Variants in KANK3 observed in about 807,000 individuals in gnomAD.
KANK3 encodes KN motif and ankyrin repeat domains 3.
A neutral mutation model predicts 65.4 loss-of-function variants in KANK3; 61 were observed. The ratio of observed to expected loss-of-function variants is 0.93; its 90% confidence interval spans 0.76 to 1.15. The LOEUF (loss-of-function observed/expected upper bound fraction) is 1.15. Among genes scored for constraint, KANK3 ranks in the 50% most tolerant of loss-of-function variants. The pLI, the probability that KANK3 is intolerant of heterozygous loss-of-function variation, is 0.00. For synonymous variants in KANK3, 586 were observed against 543.3 expected (o/e 1.08, Z -1.09); for missense variants, 1,187 against 1,178.8 (o/e 1.01, Z -0.10).
Position 8,333,641 on chromosome 19 carries a change from C to T in KANK3, c.1719+83G>A. 3 of 1,147,278 alleles carry T rather than the reference C, an allele frequency of 2.6e-6. No individual in the cohort carries two copies. The highest frequency in any genetic ancestry group is 3.0e-4 in the Middle Eastern group (1 of 3,298). 71.1% of individuals were successfully genotyped at this position (1,147,278 alleles called of 1,614,324 possible). ...GGTGCCTGGCGGGAAGGGATGGAAC[C>T]CGGTGTGCTCCCCTAAGTGGGCGTC... On this transcript the variant is annotated intron_variant, in intron 6 of 10. Coordinates refer to ENST00000330915, the MANE Select transcript of KANK3 (RefSeq NM_198471.3). The surrounding 1 kb of genome is among the most constrained non-coding windows in gnomAD (Gnocchi z 5.0).
At position 8,322,702 on chromosome 19, in the gene KANK3, C is replaced by G; in HGVS notation, c.*137G>C. ...TGAGCCCCTTCCTGCCACAGTCACC[C>G]CAACTGAAATTGCCTTTCTCTTCGG... On this transcript the variant is annotated 3_prime_UTR_variant, in exon 11 of 11. Coordinates refer to ENST00000330915, the MANE Select transcript of KANK3 (RefSeq NM_198471.3). 1 of 658,460 alleles carries G rather than the reference C, an allele frequency of 1.5e-6. No homozygotes were observed. The highest frequency in any genetic ancestry group is 2.6e-6 in the Non-Finnish European group (1 of 381,018). The allele number at this position is 658,460 out of a possible 1,614,324, so 40.8% of individuals were successfully genotyped here.
chr19:8,334,459 C>G, intron 3 of KANK3, 40 bp from the exon 4 acceptor site: 6 of 1,610,814 alleles, frequency 3.7e-6, no homozygotes, highest in Non-Finnish European at 4.2e-6. Flanking sequence ...TCGAGTCCGG[C>G]GCCGAGTAAG....
chr19:8,340,997 A>G (rs921297851), intron 1 of KANK3, among the ~76,000 whole-genome samples: 7 of 152,070 alleles, frequency 4.6e-5, no homozygotes, highest in African/African-American at 1.7e-4. Context: ...CGTATGACGC[A>G]ATGGGGTCAG....
Position 8,324,786 on chromosome 19 carries a change from C to A in KANK3, c.2127G>T (p.Gln709His), listed in dbSNP as rs761381665. ...ACGCCAGTAGGGTTGCCACCATGTC[C>A]TGTCGGCCATGGCTGATGGCCAGCA... ...ALMLAISHGR[Q>H]DMVATLLACG... Residue 709 changes from glutamine to histidine, a missense_variant, in exon 9 of 11, where the codon CAG becomes CAT. Around this residue, in one of 3 missense-constraint regions of KANK3, gnomAD observed 1,078 missense variants for 1,038.2 expected, o/e 1.04. Coordinates refer to ENST00000330915, the MANE Select transcript of KANK3 (RefSeq NM_198471.3). 3 of 1,613,884 alleles carry A rather than the reference C, an allele frequency of 1.9e-6. No individual in the cohort carries two copies. The Admixed American group carries it at 5.0e-5, about 27-fold the overall frequency.
intron 10 of KANK3, chr19:8,323,158 TA>T (rs1442206884): frequency 5.5e-6 from 2 of 366,110 alleles, no homozygotes; most frequent in Non-Finnish European, 9.8e-6. Context: ...TTCCGGTGAG[TA>T]CATCATAGGT....
rs1166441751 is a variant in KANK3, at chr19:8,331,980, C to CTT, written c.1936+1032_1936+1033dup. ...GGGGTATGGTGGGGCCAAAAGGCCT[C>CTT]TTTTTTTTTTTTTTTTTTTTTTTTT... On this transcript the variant is annotated intron_variant, in intron 7 of 10. Coordinates refer to ENST00000330915, the MANE Select transcript of KANK3 (RefSeq NM_198471.3). Among the ~76,000 whole-genome samples the CTT allele has an allele frequency of 5.7e-4, 39 of 67,896 alleles. 1 individual carries two copies. The highest frequency in any genetic ancestry group is 7.6e-4 in the African/African-American group (11 of 14,440). The allele number at this position is 67,896 out of a possible 152,430, so 44.5% of individuals were successfully genotyped here. A position where few individuals can be genotyped will look rare whatever the true frequency, so the allele number is the denominator to read the frequency against.
At position 8,334,996 on chromosome 19, in the gene KANK3, T is replaced by G. The variant is rs1417082764; in HGVS notation, c.831A>C (p.Ala277=). The G allele has an allele frequency of 6.7e-7, 1 of 1,484,944 alleles. No individual in the cohort carries two copies. Among genetic ancestry groups the G allele is most frequent in the Non-Finnish European group, 8.9e-7 (1 of 1,127,546 alleles). The allele number at this position is 1,484,944 out of a possible 1,614,324, so 92.0% of individuals were successfully genotyped here. Residue 277 remains alanine, a synonymous_variant, in exon 3 of 11, where the codon GCA becomes GCC. Coordinates refer to ENST00000330915, the MANE Select transcript of KANK3 (RefSeq NM_198471.3). ...CCTGGAGCGCGCCCTCGCTGCGCCC[T>G]GCAGCCAGGCCGTCTGGGCTGTCAG... The part of the protein sequence containing the change: ...PRADSPDGLA[A]GRSEGALQVL...
In KANK3 at chr19:8,334,611, A is replaced by G. The variant is rs764712299; in HGVS notation, c.1216T>C (p.Trp406Arg). Reference sequence around the variant, plus strand: ...TGCGCGGCCTTTTCGGCACAGCTCCACGGGGTCTGGGTGGTGGCCTCGCGT... The same window carrying G: ...TGCGCGGCCTTTTCGGCACAGCTCCGCGGGGTCTGGGTGGTGGCCTCGCGT... ...QLREATTQTP[W>R]SCAEKAAQTE... The change falls in exon 3 of 11, where the codon TGG (tryptophan) becomes CGG (arginine). Residue 406 changes from tryptophan (W) to arginine (R), a missense_variant. By Grantham distance (101) the Trp-to-Arg change is moderately radical. Around this residue, in one of 3 missense-constraint regions of KANK3, gnomAD observed 1,078 missense variants for 1,038.2 expected, o/e 1.04. Transcript: ENST00000330915. 8 of 1,579,002 alleles carry G rather than the reference A, an allele frequency of 5.1e-6. No homozygotes were observed. In the African/African-American group the frequency reaches 9.4e-5, roughly 19 times the overall value.
Position 8,325,106 on chromosome 19 carries a change from A to G in KANK3, c.1937-10T>C, listed in dbSNP as rs1294563484. On this transcript the variant is annotated splice_polypyrimidine_tract_variant and intron_variant, in intron 7 of 10. Transcript: ENST00000330915. ...TTGACCTCGCAGGCCCCTGGGAGAG[A>G]AAAGGGGGCCGTCCACGGAGATGCC... is the stretch of plus-strand genomic sequence containing the variant. 6.2e-7 allele frequency: 1 copy of G among 1,606,608 alleles called. No homozygotes were observed. Among genetic ancestry groups the G allele is most frequent in the East Asian group, 2.2e-5 (1 of 44,792 alleles).
intron 10 of KANK3, 147 bp from the exon 11 acceptor site, chr19:8,323,069 G>C: frequency 2.0e-6 from 1 of 500,160 alleles, no homozygotes; most frequent in Non-Finnish European, 3.5e-6. Flanking sequence ...CTTCTGACCT[G>C]GAAGAGGCGC....
intron 1 of KANK3, among the ~76,000 whole-genome samples, chr19:8,342,803 G>T (rs1393763178): frequency 3.3e-5 from 5 of 152,184 alleles, no homozygotes; most frequent in African/African-American, 1.2e-4. Flanking sequence ...CCGCCGGGCG[G>T]TTCCATCCGC....
intron 7 of KANK3, among the ~76,000 whole-genome samples, chr19:8,327,742 CA>C (rs1380707542): frequency 6.6e-6 from 1 of 152,112 alleles, no homozygotes; most frequent in Non-Finnish European, 1.5e-5. Flanking sequence ...TGCATCACGC[CA>C]CTACACCCCA....
At chr19:8,336,902 CAGAGT>C (rs1471814723) in intron 2 of KANK3, among the ~76,000 whole-genome samples, 1 of 151,884 alleles carries the variant, frequency 6.6e-6, no homozygotes, top group Non-Finnish European at 1.5e-5. Context: ...GTGTCCCGAG[CAGAGT>C]AAAGAAGGCA....
chr19:8,325,103 G>T lies in KANK3; in HGVS notation c.1937-7C>A. 6.2e-7 allele frequency: 1 copy of T among 1,607,700 alleles called. No individual in the cohort carries two copies. Among genetic ancestry groups the T allele is most frequent in the East Asian group, 2.2e-5 (1 of 44,828 alleles). ...CGGTTGACCTCGCAGGCCCCTGGGA[G>T]AGAAAAGGGGGCCGTCCACGGAGAT... On this transcript the variant is annotated splice_region_variant and splice_polypyrimidine_tract_variant and intron_variant, in intron 7 of 10. Coordinates refer to ENST00000330915, the MANE Select transcript of KANK3 (RefSeq NM_198471.3).
chr19:8,335,029 G>C lies in KANK3; in HGVS notation c.798C>G (p.Ser266Arg), dbSNP rs1445924808. The change falls in exon 3 of 11, where the codon AGC (serine) becomes AGG (arginine). Residue 266 changes from serine to arginine, a missense_variant. Transcript: ENST00000330915. ...TSERGGRARA[S>R]PRADSPDGLA... ...GGCCGTCTGGGCTGTCAGCCCGGGG[G>C]CTGGCCCTGGCACGGCCGCCGCGCT... 7.1e-7 allele frequency: 1 copy of C among 1,414,982 alleles called. No homozygotes were observed. Among genetic ancestry groups the C allele is most frequent in the African/African-American group, 1.5e-5 (1 of 66,332 alleles). 87.7% of individuals were successfully genotyped at this position (1,414,982 alleles called of 1,614,324 possible).
intron 1 of KANK3, among the ~76,000 whole-genome samples, chr19:8,340,291 T>TATATATATATATATATATATATACAC (rs1472181365): frequency 2.7e-4 from 25 of 92,832 alleles, no homozygotes; most frequent in African/African-American, 4.9e-4. Context: ...TATATATATA[T>TATATATATATATATATATATATACAC]ACACACACAC....
intron 1 of KANK3, among the ~76,000 whole-genome samples, chr19:8,338,719 T>C (rs1021599303): frequency 6.6e-6 from 1 of 150,946 alleles, no homozygotes; most frequent in Non-Finnish European, 1.5e-5. Flanking sequence ...ACTAAAAATA[T>C]AAAAAAGTAG....
In KANK3 at chr19:8,335,807, G is replaced by A; in HGVS notation, c.35-15C>T. On this transcript the variant is annotated splice_polypyrimidine_tract_variant and intron_variant, in intron 2 of 10. Coordinates refer to ENST00000330915, the MANE Select transcript of KANK3 (RefSeq NM_198471.3). ...GCCGCCCAGGTCTGGAGGCACGACG[G>A]GGGCACGGGGAGGGCGCATCAGAAC... The A allele has an allele frequency of 1.6e-6, 2 of 1,229,408 alleles. No homozygotes were observed. 76.2% of individuals were successfully genotyped at this position (1,229,408 alleles called of 1,614,324 possible).
chr19:8,336,708 C>G (rs3097184), intron 2 of KANK3, among the ~76,000 whole-genome samples: 87,225 of 144,498 alleles, frequency 0.6, 26,687 homozygotes, highest in African/African-American at 0.65. Context: ...CCACTGCACT[C>G]CAGACTGGGT....
Sources: allele counts gnomAD v4.1 joint callset (sites outside exome capture counted in the v4.1 genomes callset), GRCh38; gene constraint gnomAD v4.1.1; regional missense constraint gnomAD v4.1.1; non-coding constraint Gnocchi (gnomAD v3.1); transcripts MANE v1.5; gene names NCBI Gene and HGNC (gene_info 2026-07-23, HGNC 2026-07-21).